The following CA3 variants were observed in gnomAD, a reference collection of about 807,000 sequenced individuals.
CA3 encodes the protein carbonic anhydrase 3, also known as CA-III.
Under a neutral mutation model 35.7 loss-of-function variants are expected in CA3, and 30 were observed. The ratio of observed to expected loss-of-function variants is 0.84; its 90% CI spans 0.63 to 1.14. CA3 has a LOEUF of 1.14. Among genes scored for constraint, CA3 ranks in the 50% most tolerant of loss-of-function variants. CA3 has a pLI of 0.00. For missense variants in CA3, 295 were observed against 328.5 expected, an observed-to-expected ratio of 0.90 and a Z score of 0.79; for synonymous variants, 131 against 130.8, an observed-to-expected ratio of 1.00 and a Z score of -0.01.
Position 85,439,059 on chromosome 8 carries a change from A to G in CA3, c.34+116A>G, listed in dbSNP as rs1165264014. On this transcript the variant is annotated intron_variant, in intron 1 of 6. Coordinates refer to ENST00000285381, the MANE Select transcript of CA3 (RefSeq NM_005181.4). ...CAGTGGAAAATGTAGGAGTAGAATA[A>G]GACCTAACATTTACTGAGGCTTTTC... 6 of 1,011,310 alleles carry G rather than the reference A, an allele frequency of 5.9e-6. No individual in the cohort carries two copies. The East Asian group carries it at 1.6e-4, about 26-fold the overall frequency. The allele number at this position is 1,011,310 out of a possible 1,614,324, so 62.6% of individuals were successfully genotyped here.
chr8:85,441,299 ATGGG>A (rs1811203569), intron 2 of CA3, among the ~76,000 whole-genome samples: 1 of 152,232 alleles, frequency 6.6e-6, no homozygotes, highest in Non-Finnish European at 1.5e-5. Context: ...TCACTCTGCA[ATGGG>A]TTGAGATGTT....
At chr8:85,443,790 G>T (rs963440841) in intron 3 of CA3, among the ~76,000 whole-genome samples, 1 of 152,160 alleles carries the variant, frequency 6.6e-6, no homozygotes, top group Non-Finnish European at 1.5e-5. Context: ...TTAAGGTCAG[G>T]TTGCCACCAG....
intron 3 of CA3, among the ~76,000 whole-genome samples, chr8:85,442,932 G>A (rs2130503414): frequency 6.6e-6 from 1 of 152,296 alleles, no homozygotes; most frequent in South Asian, 2.1e-4. Flanking sequence ...GTGAGTGCTA[G>A]TGCTCTACCT....
At chr8:85,447,629 G>C (rs1184325117) in intron 6 of CA3, among the ~76,000 whole-genome samples, 1 of 152,220 alleles carries the variant, frequency 6.6e-6, no homozygotes, top group Non-Finnish European at 1.5e-5. Flanking sequence ...AGGCACGATG[G>C]CTTAACGCCT....
rs202229503 is a variant in CA3 at position 85,442,188 on chromosome 8, G to A, written c.348G>A (p.Ala116=). The A allele has an allele frequency of 6.7e-5, 100 of 1,489,980 alleles. 1 individual carries two copies. The highest frequency in any genetic ancestry group is 3.4e-4 in the Middle Eastern group (2 of 5,834). The allele number at this position is 1,489,980 out of a possible 1,614,324, so 92.3% of individuals were successfully genotyped here. The change falls in exon 3 of 7, where the codon GCG becomes GCA. Residue 116 remains alanine (A), a synonymous_variant. Coordinates refer to ENST00000285381, the MANE Select transcript of CA3 (RefSeq NM_005181.4). ...CCGTGGATGGAGTCAAGTATGCAGCGGAGGTAAGAGGAACTGCCATAATCC... is the reference window on the plus strand; with the variant it reads ...CCGTGGATGGAGTCAAGTATGCAGCAGAGGTAAGAGGAACTGCCATAATCC... ...EHTVDGVKYA[A]ELHLVHWNPK... is the part of the protein sequence containing the mutation.
intron 1 of CA3, among the ~76,000 whole-genome samples, chr8:85,439,314 G>A (rs1811174634): frequency 6.6e-6 from 1 of 152,124 alleles, no homozygotes; most frequent in Admixed American, 6.5e-5. Flanking sequence ...GAGAATCTCT[G>A]CTCTGCCTAA....
At chr8:85,439,035 A>G (rs927109182) in intron 1 of CA3, 92 bp downstream of exon 1, 57 of 1,275,348 alleles carry the variant, frequency 4.5e-5, no homozygotes, top group Admixed American at 3.3e-4. Flanking sequence ...TAGAGACTGC[A>G]GTGGAAAATG....
Position 85,448,333 on chromosome 8 carries a change from G to A in CA3, c.*180G>A. 1 of 479,684 alleles carries A rather than the reference G, an allele frequency of 2.1e-6. No homozygotes were observed. Among genetic ancestry groups the A allele is most frequent in the Non-Finnish European group, 3.5e-6 (1 of 284,566 alleles). The allele number at this position is 479,684 out of a possible 1,614,324, so 29.7% of individuals were successfully genotyped here. A position where few individuals can be genotyped will look rare whatever the true frequency, so the allele number is the denominator to read the frequency against. On this transcript the variant is annotated 3_prime_UTR_variant, in exon 7 of 7. Transcript: ENST00000285381. ...GTTGAAAGAAAGTTACTTTCGACAAGATCTAATATGAAAGCATAGATTTCA... is the reference window on the plus strand; with the variant it reads ...GTTGAAAGAAAGTTACTTTCGACAAAATCTAATATGAAAGCATAGATTTCA...
At chr8:85,446,061 C>A in intron 5 of CA3, 81 bp from the exon 6 acceptor site, 3 of 1,233,008 alleles carry the variant, frequency 2.4e-6, no homozygotes, top group Non-Finnish European at 2.2e-6. Flanking sequence ...TTCATTCTTA[C>A]AAATAAAGTG....
At chr8:85,447,364 T>C (rs1487081201) in intron 6 of CA3, among the ~76,000 whole-genome samples, 1 of 152,194 alleles carries the variant, frequency 6.6e-6, no homozygotes, top group African/African-American at 2.4e-5. Flanking sequence ...TACACTGATA[T>C]ATGGATGTGG....
Position 85,448,088 on chromosome 8 carries a change from C to G in CA3, c.718C>G (p.Leu240Val), listed in dbSNP as rs1448997697. Reference protein sequence around the residue: ...SSAENEPPVPLVSNWRPPQPI... With the variant: ...SSAENEPPVPVVSNWRPPQPI... ...TGCTGAGAACGAGCCCCCAGTGCCT[C>G]TTGTGAGCAACTGGCGACCTCCACA... The change falls in exon 7 of 7, where the codon CTT (leucine) becomes GTT (valine). Residue 240 changes from leucine to valine, a missense_variant. Leu to Val is a conservative substitution (Grantham distance 32). Transcript: ENST00000285381. The G allele has an allele frequency of 6.2e-7, 1 of 1,613,792 alleles. No individual in the cohort carries two copies. Among genetic ancestry groups the G allele is most frequent in the South Asian group, 1.1e-5 (1 of 90,928 alleles).
At chr8:85,439,089 G>T in intron 1 of CA3, 146 bp downstream of exon 1, 1 of 771,486 alleles carries the variant, frequency 1.3e-6, no homozygotes, top group Non-Finnish European at 2.1e-6. Flanking sequence ...CTTTTCAACT[G>T]CCAAATGCTG....
chr8:85,442,448 C>G (rs547013821), intron 3 of CA3: 1 of 376,690 alleles, frequency 2.7e-6, no homozygotes, highest in Non-Finnish European at 5.0e-6. Context: ...TGCAGTGGCT[C>G]ACACCTGTAA....
intron 2 of CA3, among the ~76,000 whole-genome samples, chr8:85,440,737 A>G (rs1426665716): frequency 6.6e-6 from 1 of 152,196 alleles, no homozygotes; most frequent in African/African-American, 2.4e-5. Context: ...ATATACATAA[A>G]TGAACATTCT....
chr8:85,443,133 CACGT>C (rs1295947685), intron 3 of CA3, among the ~76,000 whole-genome samples: 8 of 152,150 alleles, frequency 5.3e-5, no homozygotes, highest in Admixed American at 2.0e-4. Context: ...TATTTACACA[CACGT>C]AGAGATATGT....
At position 85,445,197 on chromosome 8, in the gene CA3, A is replaced by T; in HGVS notation, c.486A>T (p.Ala162=). 6.2e-7 allele frequency: 1 copy of T among 1,605,540 alleles called. No individual in the cohort carries two copies. The highest frequency in any genetic ancestry group is 8.5e-7 in the Non-Finnish European group (1 of 1,174,054). The change falls in exon 5 of 7, where the codon GCA becomes GCT. Residue 162 remains alanine, a synonymous_variant. Transcript: ENST00000285381. ...GCGAGTTCCAGATTTTCCTTGATGC[A>T]TTGGACAAGATTAAGACAAAGGTAA... ...ENGEFQIFLD[A]LDKIKTKGKE... is the part of the protein sequence containing the mutation.
chr8:85,446,443 C>G lies in CA3; in HGVS notation c.663+146C>G, dbSNP rs547218079. 406 of 918,886 alleles carry G rather than the reference C, an allele frequency of 4.4e-4. 4 individuals carry two copies. Among genetic ancestry groups the G allele is most frequent in the Middle Eastern group, 4.1e-3 (12 of 2,946 alleles). The allele number at this position is 918,886 out of a possible 1,614,324, so 56.9% of individuals were successfully genotyped here. A position where few individuals can be genotyped will look rare whatever the true frequency, so the allele number is the denominator to read the frequency against. ...TTTCATGGTCTGCCCTGGTTAATTA[C>G]AACCAGCCTGTTCAGCTTTCTAAAA... On this transcript the variant is annotated intron_variant, in intron 6 of 6. Transcript: ENST00000285381.
At position 85,444,143 on chromosome 8, in the gene CA3, C is replaced by T. The variant is rs369965636; in HGVS notation, c.444+17C>T. The T allele has an allele frequency of 6.5e-7, 1 of 1,534,412 alleles. No homozygotes were observed. Among genetic ancestry groups the T allele is most frequent in the Non-Finnish European group, 9.0e-7 (1 of 1,108,050 alleles). On this transcript the variant is annotated intron_variant, in intron 4 of 6. Transcript: ENST00000285381. ...TTTCTGAAGGTAAAGTAAAAATTGA[C>T]TATATATTTTCTTCCAAAATGTATT...
At chr8:85,444,863 A>G (rs1259860693) in intron 4 of CA3, among the ~76,000 whole-genome samples, 1 of 152,190 alleles carries the variant, frequency 6.6e-6, no homozygotes, top group Non-Finnish European at 1.5e-5. Context: ...TTGGTTCTAA[A>G]TCTGGTTTTT....
Sources: gnomAD v4.1 joint callset for allele counts (sites outside exome capture counted in the v4.1 genomes callset) on GRCh38, gnomAD v4.1.1 for gene constraint, MANE v1.5 for transcripts, NCBI Gene and HGNC (gene_info 2026-07-23, HGNC 2026-07-21) for gene names.